Variants in ABCG2 observed in about 807,000 individuals in gnomAD.
ABCG2 encodes ATP binding cassette subfamily G member 2 (JR blood group).
In ABCG2, 80 loss-of-function variants were observed where a neutral mutation model predicts 73.5. That is an observed-to-expected ratio of 1.09 (90% CI 0.91 to 1.31). The LOEUF (loss-of-function observed/expected upper bound fraction) is 1.31. Ranked by LOEUF, ABCG2 falls within the 50% of genes most tolerant of loss-of-function variation. The pLI, the probability that ABCG2 is intolerant of heterozygous loss-of-function variation, is 0.00. For synonymous variants in ABCG2, 269 were observed against 282.4 expected (o/e 0.95, Z 0.48); for missense variants, 796 against 786.2 (o/e 1.01, Z -0.15).
chr4:88,179,328 C>A (rs956742207), intron 1 of ABCG2, among the ~76,000 whole-genome samples: 1 of 152,180 alleles, frequency 6.6e-6, no homozygotes, highest in Non-Finnish European at 1.5e-5. Context: ...TCTGCAAGAG[C>A]CACAGCGCGA....
chr4:88,109,038 G>A (rs1397412073), intron 9 of ABCG2, among the ~76,000 whole-genome samples: 1 of 135,396 alleles, frequency 7.4e-6, no homozygotes, highest in Non-Finnish European at 1.5e-5. Flanking sequence ...TCGCACTGTT[G>A]CCCTGGCTGG....
chr4:88,181,398 C>CAAAA (rs57417105), intron 1 of ABCG2, among the ~76,000 whole-genome samples: 2,421 of 96,542 alleles, frequency 0.025, 121 homozygotes, highest in Non-Finnish European at 0.037. Context: ...GACTCCATCT[C>CAAAA]AAAAAAAAAA....
intron 1 of ABCG2, among the ~76,000 whole-genome samples, chr4:88,156,974 C>T (rs914075906): frequency 5.9e-5 from 9 of 152,090 alleles, no homozygotes; most frequent in East Asian, 1.9e-4. Flanking sequence ...TGGTGGCAGG[C>T]GCCTATAATC....
intron 1 of ABCG2, among the ~76,000 whole-genome samples, chr4:88,189,520 TATAAATAAATAA>T (rs144119456): frequency 2.0e-3 from 302 of 147,956 alleles, no homozygotes; most frequent in South Asian, 0.013. Context: ...CATCTAAAAA[TATAAATAAATAA>T]ATAAATAAAT....
At chr4:88,209,415 G>A (rs755718674) in intron 1 of ABCG2, among the ~76,000 whole-genome samples, 1 of 151,610 alleles carries the variant, frequency 6.6e-6, no homozygotes, top group Non-Finnish European at 1.5e-5. Flanking sequence ...TATAATCCCA[G>A]CACTTTCAGA....
intron 1 of ABCG2, among the ~76,000 whole-genome samples, chr4:88,151,457 G>A (rs556634065): frequency 4.5e-4 from 68 of 152,322 alleles, no homozygotes; most frequent in South Asian, 4.1e-4. Context: ...TATGAACAGA[G>A]GCTGGGTGCA....
At chr4:88,155,911 A>G (rs942797461) in intron 1 of ABCG2, among the ~76,000 whole-genome samples, 1 of 152,182 alleles carries the variant, frequency 6.6e-6, no homozygotes. Context: ...CAAAAAAAAA[A>G]AGAAGTAACT....
intron 1 of ABCG2, among the ~76,000 whole-genome samples, chr4:88,144,900 T>A (rs1725881387): frequency 1.3e-5 from 2 of 152,174 alleles, no homozygotes; most frequent in Non-Finnish European, 2.9e-5. Flanking sequence ...AGAACACTCT[T>A]TACAATTGGA....
chr4:88,113,702 ACTGTAAT>A, intron 8 of ABCG2, 149 bp from the exon 9 acceptor site: 1 of 1,063,886 alleles, frequency 9.4e-7, no homozygotes. Flanking sequence ...GCGGCTCATG[ACTGTAAT>A]CTCAGCACTT....
intron 1 of ABCG2, among the ~76,000 whole-genome samples, chr4:88,152,219 A>G (rs537436062): frequency 5.5e-4 from 84 of 152,342 alleles, no homozygotes; most frequent in Middle Eastern, 6.8e-3. Context: ...GCTTTAAAAA[A>G]TTACTAAATA....
chr4:88,098,186 G>C (rs1578169140), intron 12 of ABCG2, among the ~76,000 whole-genome samples: 1 of 152,226 alleles, frequency 6.6e-6, no homozygotes, highest in Admixed American at 6.5e-5. Flanking sequence ...ATTTGAAACA[G>C]CCACAAGAAC....
At chr4:88,207,535 G>A (rs538492861) in intron 1 of ABCG2, among the ~76,000 whole-genome samples, 2 of 152,122 alleles carry the variant, frequency 1.3e-5, no homozygotes, top group African/African-American at 2.4e-5. Flanking sequence ...TGATCTCCTC[G>A]AGGGATATTT....
chr4:88,209,309 C>CAAAAAAAAAAAAAAAAAAAAA (rs60027656), intron 1 of ABCG2, among the ~76,000 whole-genome samples: 2 of 81,464 alleles, frequency 2.5e-5, no homozygotes, highest in African/African-American at 5.0e-5. Context: ...GACTCCATCT[C>CAAAAAAAAAAAAAAAAAAAAA]AAAAAAAAAA....
chr4:88,195,730 C>G (rs1434282383), intron 1 of ABCG2, among the ~76,000 whole-genome samples: 1 of 152,192 alleles, frequency 6.6e-6, no homozygotes, highest in East Asian at 1.9e-4. Context: ...TGGCATACTT[C>G]CGGGGTCTTA....
chr4:88,130,902 A>G (rs1265451172), intron 5 of ABCG2, among the ~76,000 whole-genome samples, 159 bp downstream of exon 5: 1 of 152,206 alleles, frequency 6.6e-6, no homozygotes, highest in African/African-American at 2.4e-5. Context: ...GTTAATTTCC[A>G]CGTTCATATT....
intron 5 of ABCG2, 117 bp from the exon 6 acceptor site, chr4:88,121,909 G>A: frequency 4.9e-6 from 5 of 1,015,388 alleles, no homozygotes; most frequent in Non-Finnish European, 7.2e-6. Context: ...CATTTATTCT[G>A]AACAGCAAAT....
At chr4:88,131,319 G>A (rs1416331735) in intron 4 of ABCG2, 106 bp from the exon 5 acceptor site, 2 of 1,232,014 alleles carry the variant, frequency 1.6e-6, no homozygotes, top group Non-Finnish European at 2.3e-6. Context: ...CATAACTAAG[G>A]TAAAGTTCTA....
intron 2 of ABCG2, among the ~76,000 whole-genome samples, chr4:88,139,449 T>A (rs935649115): frequency 1.3e-5 from 2 of 152,090 alleles, no homozygotes; most frequent in Non-Finnish European, 2.9e-5. Context: ...GAGACAGGGT[T>A]TCACTATGTC....
intron 1 of ABCG2, among the ~76,000 whole-genome samples, chr4:88,219,431 T>TA (rs1021025073): frequency 1.3e-5 from 2 of 152,064 alleles, no homozygotes; most frequent in African/African-American, 4.8e-5. Flanking sequence ...CATAGAGCAA[T>TA]AGGAGAGGCT....
Sources: gnomAD v4.1 joint callset for allele counts (sites outside exome capture counted in the v4.1 genomes callset) on GRCh38, gnomAD v4.1.1 for gene constraint, MANE v1.5 for transcripts, NCBI Gene and HGNC (gene_info 2026-07-23, HGNC 2026-07-21) for gene names.